SDK1: variants seen among roughly 807,000 people sequenced by gnomAD.
SDK1 encodes the protein protein sidekick-1.
A neutral mutation model predicts 245.5 loss-of-function variants in SDK1; 157 were observed. That is an observed-to-expected ratio of 0.64 (90% confidence interval 0.56 to 0.73). The LOEUF (loss-of-function observed/expected upper bound fraction) is 0.73. Ranked by LOEUF, SDK1 falls within the 30% of genes least tolerant of loss-of-function variation. The pLI is 0.00. For synonymous variants in SDK1, 1,647 were observed against 1,278.5 expected, an observed-to-expected ratio of 1.29 and a Z score of -6.15; for missense variants, 3,583 against 3,002.3, an observed-to-expected ratio of 1.19 and a Z score of -4.52.
chr7:3,730,992 A>G (rs773552408), intron 4 of SDK1, among the ~76,000 whole-genome samples: 2 of 152,178 alleles, frequency 1.3e-5, no homozygotes, highest in Non-Finnish European at 2.9e-5. Flanking sequence ...CACATTTTCT[A>G]GCTTTCCATT....
Position 3,454,991 on chromosome 7 carries a change from G to C in SDK1, c.298+153107G>C, listed in dbSNP as rs765455387. Among the ~76,000 whole-genome samples the C allele has an allele frequency of 2.0e-5, 3 of 152,074 alleles. No individual in the cohort carries two copies. The East Asian group carries it at 5.8e-4, about 29-fold the overall frequency. ...TTTCTCTGTATCCTTGCCTGCATTT[G>C]GTGTTATCCTTATTTTTTTATTTTA... On this transcript the variant is annotated intron_variant, in intron 1 of 44. Coordinates refer to ENST00000404826, the MANE Select transcript of SDK1 (RefSeq NM_152744.4).
intron 4 of SDK1, among the ~76,000 whole-genome samples, chr7:3,803,001 G>A (rs1779144593): frequency 6.6e-6 from 1 of 152,168 alleles, no homozygotes; most frequent in Non-Finnish European, 1.5e-5. Context: ...ATTATAATCG[G>A]TGGGTCGAAT....
intron 4 of SDK1, among the ~76,000 whole-genome samples, chr7:3,727,348 G>C (rs1420908453): frequency 6.6e-6 from 1 of 152,134 alleles, no homozygotes; most frequent in Non-Finnish European, 1.5e-5. Context: ...TCATTCCATT[G>C]CTCTGTATTC....
chr7:3,968,173 G>T (rs1042166406), intron 10 of SDK1, among the ~76,000 whole-genome samples: 3 of 152,216 alleles, frequency 2.0e-5, no homozygotes, highest in Admixed American at 1.3e-4. Flanking sequence ...TTTTGTTGAA[G>T]AAAGATGCTT....
intron 1 of SDK1, among the ~76,000 whole-genome samples, chr7:3,434,101 GGCTCATCTT>G (rs1779948308): frequency 6.6e-6 from 1 of 152,024 alleles, no homozygotes; most frequent in South Asian, 2.1e-4. Context: ...TATCCATATG[GGCTCATCTT>G]ATGACCTGTT....
intron 1 of SDK1, among the ~76,000 whole-genome samples, chr7:3,565,486 G>T (rs1013669184): frequency 6.6e-6 from 1 of 152,080 alleles, no homozygotes; most frequent in Non-Finnish European, 1.5e-5. Context: ...TGGATCTAAA[G>T]GAATAGATAA....
At chr7:3,562,223 C>A (rs998476309) in intron 1 of SDK1, among the ~76,000 whole-genome samples, 9 of 152,214 alleles carry the variant, frequency 5.9e-5, no homozygotes, top group Non-Finnish European at 1.0e-4. Context: ...GGATTCCAGA[C>A]CGTATTCTAC....
rs978771344 is a variant in SDK1, at chr7:4,265,757, G to T, written c.*373G>T. 25 of 1,040,836 alleles carry T rather than the reference G, an allele frequency of 2.4e-5. No individual in the cohort carries two copies. The highest frequency in any genetic ancestry group is 1.1e-4 in the Admixed American group (2 of 17,950). 64.5% of individuals were successfully genotyped at this position (1,040,836 alleles called of 1,614,324 possible). On this transcript the variant is annotated 3_prime_UTR_variant, in exon 45 of 45. Coordinates refer to ENST00000404826, the MANE Select transcript of SDK1 (RefSeq NM_152744.4). ...AGCGGGGAGAGGGAGTGGAGGGTCA[G>T]GTGAGATCTCAGAGCTGCCCCGGCC...
At chr7:3,792,691 CCCATCCAT>C (rs71029696) in intron 4 of SDK1, among the ~76,000 whole-genome samples, 73 of 148,076 alleles carry the variant, frequency 4.9e-4, no homozygotes, top group Middle Eastern at 3.4e-3. Context: ...CCTGCAGTCT[CCCATCCAT>C]CCATCCATCC....
intron 1 of SDK1, among the ~76,000 whole-genome samples, chr7:3,508,591 G>T (rs1414292924): frequency 1.3e-5 from 2 of 152,120 alleles, no homozygotes; most frequent in East Asian, 1.9e-4. Context: ...GCCTCCCAAA[G>T]TGTTGGGATT....
intron 20 of SDK1, among the ~76,000 whole-genome samples, chr7:4,076,271 A>C (rs2128176974): frequency 6.6e-6 from 1 of 152,322 alleles, no homozygotes; most frequent in Non-Finnish European, 1.5e-5. Flanking sequence ...TCCAAAAATG[A>C]AATGATTGGC....
intron 4 of SDK1, among the ~76,000 whole-genome samples, chr7:3,682,455 A>G (rs1401783289): frequency 6.6e-6 from 1 of 152,286 alleles, no homozygotes; most frequent in Non-Finnish European, 1.5e-5. Context: ...TGGTATCTGG[A>G]ACAAAGCTAA....
At position 4,167,311 on chromosome 7, in the gene SDK1, C is replaced by T. The variant is rs566147571; in HGVS notation, c.4800+5455C>T. On this transcript the variant is annotated intron_variant, in intron 32 of 44. Coordinates refer to ENST00000404826, the MANE Select transcript of SDK1 (RefSeq NM_152744.4). ...CTGAGGTAGGAGAATTGCTTGAACCCGAGAGGCTACAGTGAGCAACCCAGG... is the reference window on the plus strand; with the variant it reads ...CTGAGGTAGGAGAATTGCTTGAACCTGAGAGGCTACAGTGAGCAACCCAGG... Among the ~76,000 whole-genome samples the T allele has an allele frequency of 3.6e-4, 55 of 152,136 alleles. 1 individual carries two copies. In the South Asian group the frequency reaches 0.011, roughly 30 times the overall value.
intron 44 of SDK1, among the ~76,000 whole-genome samples, chr7:4,256,228 T>C (rs1787618740): frequency 6.6e-6 from 1 of 152,184 alleles, no homozygotes; most frequent in African/African-American, 2.4e-5. Context: ...CCTTCAGAGA[T>C]TTTAGATGGT....
intron 4 of SDK1, among the ~76,000 whole-genome samples, chr7:3,683,859 C>G (rs552349634): frequency 3.2e-4 from 48 of 152,280 alleles, no homozygotes; most frequent in Middle Eastern, 3.4e-3. Flanking sequence ...CAAGAACAGT[C>G]CTGTTTCCTC....
intron 2 of SDK1, among the ~76,000 whole-genome samples, chr7:3,625,033 C>G (rs1323563617): frequency 2.0e-5 from 3 of 152,096 alleles, no homozygotes; most frequent in East Asian, 3.8e-4. Context: ...GAGCAAAACT[C>G]TGTCTCAAAA....
chr7:3,492,995 G>T (rs1781909630), intron 1 of SDK1, among the ~76,000 whole-genome samples: 2 of 151,996 alleles, frequency 1.3e-5, no homozygotes, highest in Admixed American at 1.3e-4. Flanking sequence ...CTCTCGCCCA[G>T]GCTGGAGTGC....
intron 12 of SDK1, among the ~76,000 whole-genome samples, chr7:3,972,971 C>T (rs980852909): frequency 6.6e-6 from 1 of 152,188 alleles, no homozygotes. Flanking sequence ...GAGCTCCTTC[C>T]TAAATGATTT....
chr7:3,795,500 G>C (rs561562155), intron 4 of SDK1, among the ~76,000 whole-genome samples: 1 of 152,302 alleles, frequency 6.6e-6, no homozygotes, highest in African/African-American at 2.4e-5. Context: ...AGGAATCTTA[G>C]TGACTTTAAA....
Sources: allele counts gnomAD v4.1 joint callset (sites outside exome capture counted in the v4.1 genomes callset), GRCh38; gene constraint gnomAD v4.1.1; transcripts MANE v1.5; gene names NCBI Gene and HGNC (gene_info 2026-07-23, HGNC 2026-07-21).